Variants in NBAS observed in about 807,000 individuals in gnomAD.
NBAS encodes the protein NBAS subunit of NRZ tethering complex, also known as NAG/BC035112 fusion.
NBAS carries 219 observed loss-of-function variants against 302.5 expected under a neutral mutation model. The ratio of observed to expected loss-of-function variants is 0.72; its 90% CI spans 0.65 to 0.81. NBAS has a LOEUF of 0.81. NBAS is among the 30% of genes least tolerant of loss of function. The pLI is 0.00. For missense variants in NBAS, 2,932 were observed against 2,841.6 expected (o/e 1.03, Z -0.72); for synonymous variants, 1,118 against 1,021.6 (o/e 1.09, Z -1.80).
chr2:14,962,813 T>G, the NBAS span, among the ~76,000 whole-genome samples: 1 of 152,078 alleles, frequency 6.6e-6, no homozygotes, highest in African/African-American at 2.4e-5. Context: ...GACACTGAAA[T>G]TTTTAGATTT....
chr2:15,326,985 G>A (rs2148220940), intron 38 of NBAS, among the ~76,000 whole-genome samples: 1 of 152,190 alleles, frequency 6.6e-6, no homozygotes, highest in South Asian at 2.1e-4. Flanking sequence ...CTTTACATAG[G>A]AACGTGCTCA....
chr2:15,218,929 C>G lies in NBAS; in HGVS notation c.6276G>C (p.Leu2092=), dbSNP rs1338437665. ...LVSPEDLLEW[L]RPFCADDAWP... Reference sequence around the variant, plus strand: ...AGGCGTCATCAGCACAGAAAGGCCGCAGCCACTCCAGCAGGTCCTCAGGTG... The same window carrying G: ...AGGCGTCATCAGCACAGAAAGGCCGGAGCCACTCCAGCAGGTCCTCAGGTG... The change falls in exon 48 of 52, where the codon CTG becomes CTC. Residue 2092 remains leucine (L), a synonymous_variant. Transcript: ENST00000281513. 4.3e-6 allele frequency: 7 copies of G among 1,614,140 alleles called. No homozygotes were observed. Among genetic ancestry groups the G allele is most frequent in the Non-Finnish European group, 8.5e-7 (1 of 1,180,050 alleles).
At position 15,504,233 on chromosome 2, in the gene NBAS, T is replaced by C. The variant is rs748251382; in HGVS notation, c.886-20A>G. The C allele has an allele frequency of 1.3e-6, 2 of 1,575,138 alleles. No homozygotes were observed. The highest frequency in any genetic ancestry group is 1.1e-5 in the South Asian group (1 of 90,236). On this transcript the variant is annotated intron_variant, in intron 10 of 51. Coordinates refer to ENST00000281513, the MANE Select transcript of NBAS (RefSeq NM_015909.4). ...CGGTACCTGCAAAATAAATGCATCA[T>C]ATGAAGAAAGATTACTGAAATGACT...
chr2:14,795,864 G>A, the NBAS span, among the ~76,000 whole-genome samples: 1 of 152,124 alleles, frequency 6.6e-6, no homozygotes, highest in Admixed American at 6.5e-5. Flanking sequence ...CTCCTGGCGT[G>A]GAGGACAAAA....
At chr2:14,993,490 T>C in the NBAS span, among the ~76,000 whole-genome samples, 2 of 152,210 alleles carry the variant, frequency 1.3e-5, no homozygotes, top group Non-Finnish European at 2.9e-5. Flanking sequence ...TTAGAGACAT[T>C]AATTTTTTCT....
intron 47 of NBAS, among the ~76,000 whole-genome samples, chr2:15,227,026 G>A (rs973008495): frequency 9.2e-5 from 14 of 152,148 alleles, no homozygotes; most frequent in African/African-American, 3.4e-4. Flanking sequence ...TTCTCATTAA[G>A]TATGATGCTA....
At chr2:15,309,129 A>G (rs766471410) in intron 39 of NBAS, 42 bp downstream of exon 39, 1 of 1,517,786 alleles carries the variant, frequency 6.6e-7, no homozygotes, top group Admixed American at 1.7e-5. Context: ...TACATTTTCC[A>G]TTTAGTCATT....
At chr2:15,522,744 C>T (rs1662732835) in intron 9 of NBAS, among the ~76,000 whole-genome samples, 1 of 152,218 alleles carries the variant, frequency 6.6e-6, no homozygotes, top group Admixed American at 6.5e-5. Context: ...GTTATGGGCG[C>T]CAGCCCCCAA....
At chr2:15,009,743 A>C in the NBAS span, among the ~76,000 whole-genome samples, 2 of 147,588 alleles carry the variant, frequency 1.4e-5, no homozygotes, top group Non-Finnish European at 3.0e-5. Flanking sequence ...ATGTGTGTGC[A>C]TGCATGTGTG....
At chr2:15,486,428 CTCTA>C (rs1206753969) in intron 12 of NBAS, among the ~76,000 whole-genome samples, 2 of 152,132 alleles carry the variant, frequency 1.3e-5, no homozygotes, top group African/African-American at 4.8e-5. Context: ...AAGTCAAAAG[CTCTA>C]TCTGAGGACT....
At chr2:15,016,446 A>C in the NBAS span, among the ~76,000 whole-genome samples, 1,937 of 152,284 alleles carry the variant, frequency 0.013, 17 homozygotes, top group South Asian at 0.023. Context: ...AAGGAAAACT[A>C]CAAAACACTG....
chr2:14,942,196 C>T, the NBAS span, among the ~76,000 whole-genome samples: 1 of 152,162 alleles, frequency 6.6e-6, no homozygotes, highest in Non-Finnish European at 1.5e-5. Context: ...TATTGGTATT[C>T]AAGAGCTGCC....
At chr2:15,546,451 G>A (rs563560265) in intron 6 of NBAS, among the ~76,000 whole-genome samples, 1 of 152,056 alleles carries the variant, frequency 6.6e-6, no homozygotes, top group African/African-American at 2.4e-5. Flanking sequence ...TGTTTCAGTC[G>A]GGCATGGTGG....
At chr2:14,971,982 TGAA>T in the NBAS span, among the ~76,000 whole-genome samples, 1 of 152,068 alleles carries the variant, frequency 6.6e-6, no homozygotes, top group Admixed American at 6.6e-5. Context: ...ATGAAGTATC[TGAA>T]GAAGTATAAG....
At chr2:15,530,365 T>A (rs751842151) in intron 9 of NBAS, among the ~76,000 whole-genome samples, 1 of 151,836 alleles carries the variant, frequency 6.6e-6, no homozygotes, top group Non-Finnish European at 1.5e-5. Context: ...ATGAAAAATA[T>A]AACAATAAAA....
intron 35 of NBAS, among the ~76,000 whole-genome samples, chr2:15,333,142 G>T (rs928006313): frequency 2.6e-5 from 4 of 152,182 alleles, no homozygotes; most frequent in African/African-American, 9.6e-5. Flanking sequence ...CTGGAGGCAC[G>T]ATCACAGAAG....
chr2:14,983,541 G>T, the NBAS span, among the ~76,000 whole-genome samples: 1 of 152,108 alleles, frequency 6.6e-6, no homozygotes, highest in East Asian at 1.9e-4. Flanking sequence ...TGTAATAAGG[G>T]CCCAAATATA....
intron 10 of NBAS, among the ~76,000 whole-genome samples, chr2:15,508,499 T>C (rs1315122792): frequency 6.6e-6 from 1 of 152,158 alleles, no homozygotes. Flanking sequence ...TCTATACACA[T>C]CCATTTTCCT....
intron 47 of NBAS, among the ~76,000 whole-genome samples, chr2:15,230,746 G>A (rs1046498454): frequency 3.3e-5 from 5 of 152,288 alleles, no homozygotes; most frequent in East Asian, 1.9e-4. Context: ...GCTGCGCTGC[G>A]GATGGCAGCT....
Sources: gnomAD v4.1 joint callset for allele counts (sites outside exome capture counted in the v4.1 genomes callset) on GRCh38, gnomAD v4.1.1 for gene constraint, MANE v1.5 for transcripts, NCBI Gene and HGNC (gene_info 2026-07-23, HGNC 2026-07-21) for gene names.